The following ZNF619 variants were observed in gnomAD, a reference collection of about 807,000 sequenced individuals.
ZNF619 encodes the protein zinc finger protein 619.
A neutral mutation model predicts 14.2 loss-of-function variants in ZNF619; 9 were observed. The observed-to-expected ratio is 0.64, with a 90% CI of 0.38 to 1.11. The LOEUF (loss-of-function observed/expected upper bound fraction) is 1.11, where lower values mean the gene tolerates loss of function less well. ZNF619 is among the 50% of genes least tolerant of loss of function. The pLI is 0.01. For missense variants in ZNF619, 659 were observed against 680.1 expected (o/e 0.97, Z 0.34); for synonymous variants, 246 against 252.8 (o/e 0.97, Z 0.26).
chr3:40,478,766 T>C (rs1464766107), intron 2 of ZNF619, among the ~76,000 whole-genome samples: 1 of 152,210 alleles, frequency 6.6e-6, no homozygotes, highest in Non-Finnish European at 1.5e-5. Context: ...TATCATGTAA[T>C]GGATGTATCT....
chr3:40,486,954 A>G lies in ZNF619; in HGVS notation c.444A>G (p.Leu148=). 1.2e-6 allele frequency: 2 copies of G among 1,614,214 alleles called. No homozygotes were observed. Among genetic ancestry groups the G allele is most frequent in the East Asian group, 4.5e-5 (2 of 44,874 alleles). ...DFKDRLEKSQ[L]HDTGNKTKIG... is the part of the protein sequence containing the mutation. ...AGGACAGGTTAGAGAAGTCACAGCT[A>G]CATGATACAGGGAATAAAACAAAGA... The change falls in exon 5 of 5, where the codon CTA becomes CTG. Residue 148 remains leucine, a synonymous_variant. Coordinates refer to ENST00000432264, the MANE Select transcript of ZNF619 (RefSeq NM_001145093.4).
chr3:40,488,274 C>A lies in ZNF619; in HGVS notation c.*33C>A, dbSNP rs765647998. 5.7e-6 allele frequency: 6 copies of A among 1,061,638 alleles called. No individual in the cohort carries two copies. The South Asian group carries it at 7.3e-5, about 13-fold the overall frequency. 65.8% of individuals were successfully genotyped at this position (1,061,638 alleles called of 1,614,324 possible). A position where few individuals can be genotyped will look rare whatever the true frequency, so the allele number is the denominator to read the frequency against. On this transcript the variant is annotated 3_prime_UTR_variant, in exon 5 of 5. Coordinates refer to ENST00000432264, the MANE Select transcript of ZNF619 (RefSeq NM_001145093.4). ...CACGTTCTCAAAATCCTTTGCACCT[C>A]AAGTTAGGGATTCCACTGGTCTCCT...
chr3:40,483,677 G>A (rs1435004048), intron 4 of ZNF619: 2 of 449,918 alleles, frequency 4.4e-6, no homozygotes, highest in African/African-American at 2.0e-5. Context: ...TGCCCAGGCT[G>A]GAGTGCAATG....
chr3:40,482,522 A>G lies in ZNF619; in HGVS notation c.179-66A>G, dbSNP rs1364264190. On this transcript the variant is annotated intron_variant, in intron 3 of 4. Transcript: ENST00000432264. Reference sequence around the variant, plus strand: ...CTTCTATTTTCATCTGGCAAAGCAGAGTGTAGTCTGAGGGAGGTCAGTGTT... The same window carrying G: ...CTTCTATTTTCATCTGGCAAAGCAGGGTGTAGTCTGAGGGAGGTCAGTGTT... 4.5e-6 allele frequency: 7 copies of G among 1,568,436 alleles called. No homozygotes were observed. The East Asian group carries it at 1.6e-4, about 35-fold the overall frequency.
At chr3:40,482,911 G>T (rs1160689499) in intron 4 of ZNF619, among the ~76,000 whole-genome samples, 1 of 152,142 alleles carries the variant, frequency 6.6e-6, no homozygotes, top group African/African-American at 2.4e-5. Flanking sequence ...ATTTTTCTTT[G>T]TAAAGCTAAA....
At position 40,487,175 on chromosome 3, in the gene ZNF619, A is replaced by G. The variant is rs141182407; in HGVS notation, c.665A>G (p.His222Arg). ...AACCCACATTCAGACTTTCACCTGC[A>G]TCAGAGAGTTCACACTAATGAGAAG... ...YYNPHSDFHL[H>R]QRVHTNEKPY... Residue 222 changes from histidine to arginine, a missense_variant, in exon 5 of 5, where the codon CAT becomes CGT. Transcript: ENST00000432264. The G allele has an allele frequency of 5.8e-5, 93 of 1,614,214 alleles. No homozygotes were observed. In the African/African-American group the frequency reaches 9.5e-4, roughly 16 times the overall value.
chr3:40,488,258 A>C lies in ZNF619; in HGVS notation c.*17A>C. 2 of 1,305,496 alleles carry C rather than the reference A, an allele frequency of 1.5e-6. No individual in the cohort carries two copies. The highest frequency in any genetic ancestry group is 2.2e-6 in the Non-Finnish European group (2 of 924,986). The allele number at this position is 1,305,496 out of a possible 1,614,324, so 80.9% of individuals were successfully genotyped here. A position where few individuals can be genotyped will look rare whatever the true frequency, so the allele number is the denominator to read the frequency against. On this transcript the variant is annotated 3_prime_UTR_variant, in exon 5 of 5. Transcript: ENST00000432264. ...TCCCTGTAAGCCCCGTCACGTTCTC[A>C]AAATCCTTTGCACCTCAAGTTAGGG...
chr3:40,482,589 A>C lies in ZNF619; in HGVS notation c.180A>C (p.Ser60=), dbSNP rs754227826. 1 of 1,613,984 alleles carries C rather than the reference A, an allele frequency of 6.2e-7. No homozygotes were observed. Among genetic ancestry groups the C allele is most frequent in the Admixed American group, 1.7e-5 (1 of 60,022 alleles). ...LENYANVTSL[S]AFPFPKPDLI... is the part of the protein sequence containing the mutation. ...ATGTTCCTTTTCTTTCTCCTGTAGC[A>C]GCATTTCCATTCCCCAAACCAGATC... The change falls in exon 4 of 5, where the codon TCA becomes TCC. Residue 60 remains serine, a splice_region_variant and synonymous_variant. Coordinates refer to ENST00000432264, the MANE Select transcript of ZNF619 (RefSeq NM_001145093.4).
At position 40,488,036 on chromosome 3, in the gene ZNF619, C is replaced by G; in HGVS notation, c.1526C>G (p.Thr509Ser). ...AILSPLPPQH[T>S]CSALAPPGPP... is the part of the protein sequence containing the mutation. ...CTCTCTCCTCTGCCTCCCCAACATA[C>G]CTGCTCTGCCCTAGCCCCACCAGGG... is the stretch of plus-strand genomic sequence containing the variant. Residue 509 changes from threonine to serine, a missense_variant, in exon 5 of 5, where the codon ACC (threonine) becomes AGC (serine). Coordinates refer to ENST00000432264, the MANE Select transcript of ZNF619 (RefSeq NM_001145093.4). The G allele has an allele frequency of 6.2e-7, 1 of 1,614,136 alleles. No individual in the cohort carries two copies. The highest frequency in any genetic ancestry group is 8.5e-7 in the Non-Finnish European group (1 of 1,179,992).
intron 2 of ZNF619, among the ~76,000 whole-genome samples, chr3:40,478,567 A>G (rs1239312576): frequency 6.6e-6 from 1 of 152,082 alleles, no homozygotes; most frequent in African/African-American, 2.4e-5. Context: ...ATGAGTTTGG[A>G]GCTGAAGCCA....
In ZNF619 at chr3:40,488,000, C is replaced by A. The variant is rs753746200; in HGVS notation, c.1490C>A (p.Pro497His). The A allele has an allele frequency of 1.2e-6, 2 of 1,614,130 alleles. No homozygotes were observed. The highest frequency in any genetic ancestry group is 1.7e-6 in the Non-Finnish European group (2 of 1,180,002). ...TGLSAVKPYC[P>H]CAILSPLPPQ... ...CTATCCGCAGTTAAGCCCTACTGTC[C>A]CTGCGCCATCCTCTCTCCTCTGCCT... The change falls in exon 5 of 5, where the codon CCC becomes CAC. Residue 497 changes from proline (P) to histidine (H), a missense_variant. Transcript: ENST00000432264.
rs1697710843 is a variant in ZNF619 at position 40,488,368 on chromosome 3, T to G, written c.*127T>G. The G allele has an allele frequency of 1.6e-6, 1 of 634,700 alleles. No homozygotes were observed. Among genetic ancestry groups the G allele is most frequent in the East Asian group, 2.6e-5 (1 of 38,762 alleles). 39.3% of individuals were successfully genotyped at this position (634,700 alleles called of 1,614,324 possible). The stretch of plus-strand genomic sequence containing the variant: ...TGTTACTGTTTTCCTAACTTCATTT[T>G]AAATTCTCACGCTTAAGGACCATGT... On this transcript the variant is annotated 3_prime_UTR_variant, in exon 5 of 5. Transcript: ENST00000432264.
chr3:40,490,042 T>C lies in ZNF619; in HGVS notation c.*1801T>C, dbSNP rs6599105. 0.51 allele frequency: 77,176 copies of C among 151,984 alleles called. 21,705 individuals carry two copies. Among genetic ancestry groups the C allele is most frequent in the African/African-American group, 0.76 (31,279 of 41,422 alleles). The allele number at this position is 151,984 out of a possible 1,614,324, so 9.4% of individuals were successfully genotyped here. ...CAAGTTCATCAGGGTGGAGCCTCCA[T>C]GATGGGACTGGTGGCTTTATGAGGA... On this transcript the variant is annotated 3_prime_UTR_variant, in exon 5 of 5. Coordinates refer to ENST00000432264, the MANE Select transcript of ZNF619 (RefSeq NM_001145093.4).
intron 2 of ZNF619, among the ~76,000 whole-genome samples, chr3:40,479,720 ATTCT>A (rs942835623): frequency 6.6e-6 from 1 of 152,126 alleles, no homozygotes; most frequent in Non-Finnish European, 1.5e-5. Flanking sequence ...GGGCCAGATA[ATTCT>A]TTGTTTGGGG....
At chr3:40,478,087 C>A in intron 2 of ZNF619, 84 bp downstream of exon 2, 3 of 1,335,214 alleles carry the variant, frequency 2.2e-6, no homozygotes, top group South Asian at 2.6e-5. Context: ...CTTGGCCAGT[C>A]TCATGCTTAG....
At position 40,481,810 on chromosome 3, in the gene ZNF619, A is replaced by G. The variant is rs1023677532; in HGVS notation, c.25-53A>G. 12 of 1,558,082 alleles carry G rather than the reference A, an allele frequency of 7.7e-6. No individual in the cohort carries two copies. In the African/African-American group the frequency reaches 1.5e-4, roughly 20 times the overall value. On this transcript the variant is annotated intron_variant, in intron 2 of 4. Coordinates refer to ENST00000432264, the MANE Select transcript of ZNF619 (RefSeq NM_001145093.4). ...CATGGGGCTCAGTGCCATGGATTCCAGTAAATTTATCCCTTTCCTGGAATT... is the reference window on the plus strand; with the variant it reads ...CATGGGGCTCAGTGCCATGGATTCCGGTAAATTTATCCCTTTCCTGGAATT...
intron 4 of ZNF619, among the ~76,000 whole-genome samples, chr3:40,485,552 C>T (rs1297853732): frequency 2.0e-5 from 3 of 152,152 alleles, no homozygotes; most frequent in African/African-American, 7.2e-5. Flanking sequence ...ATCCACCTGC[C>T]TCGGCCTCCC....
chr3:40,484,763 G>T (rs1368104070), intron 4 of ZNF619, among the ~76,000 whole-genome samples: 1 of 152,076 alleles, frequency 6.6e-6, no homozygotes, highest in Non-Finnish European at 1.5e-5. Context: ...GTGGCTAGTG[G>T]CCACCTTTTG....
chr3:40,477,560 C>T lies in ZNF619; in HGVS notation c.-63+203C>T, dbSNP rs1697234745. On this transcript the variant is annotated intron_variant, in intron 1 of 4. Transcript: ENST00000432264. ...AGGGGTCCCCGTTATATCCTACTTT[C>T]TCTCCAGAGACTTGTTTTGGGTTTT... Among the ~76,000 whole-genome samples the T allele has an allele frequency of 2.6e-5, 4 of 152,344 alleles. 1 individual carries two copies. The South Asian group carries it at 8.3e-4, about 32-fold the overall frequency.
Sources: gnomAD v4.1 joint callset for allele counts (sites outside exome capture counted in the v4.1 genomes callset) on GRCh38, gnomAD v4.1.1 for gene constraint, MANE v1.5 for transcripts, NCBI Gene and HGNC (gene_info 2026-07-23, HGNC 2026-07-21) for gene names.